DMD: variants seen among roughly 807,000 people sequenced by gnomAD.
DMD encodes the protein mutant dystrophin.
DMD carries 63 observed loss-of-function variants against 330.1 expected under a neutral mutation model. The observed-to-expected ratio is 0.19, with a 90% CI of 0.16 to 0.24. DMD has a LOEUF of 0.24. Ranked by LOEUF, DMD falls within the 10% of genes least tolerant of loss-of-function variation. The pLI is 1.00. For synonymous variants in DMD, 1,223 were observed against 959.8 expected, an observed-to-expected ratio of 1.27 and a Z score of -5.07; for missense variants, 3,344 against 2,684.1, an observed-to-expected ratio of 1.25 and a Z score of -5.43.
chrX:32,462,069 C>G (rs778420682), intron 25 of DMD, among the ~76,000 whole-genome samples: 9 of 110,746 alleles, frequency 8.1e-5, no homozygotes, highest in Non-Finnish European at 1.7e-4. Context: ...GCCTCTAACA[C>G]GTAAATTGAA....
At chrX:32,100,059 T>C (rs2148084716) in intron 44 of DMD, among the ~76,000 whole-genome samples, 1 of 110,853 alleles carries the variant, frequency 9.0e-6, no homozygotes, top group East Asian at 2.9e-4. Context: ...CTGGATTCAA[T>C]GCATTTGCCT....
chrX:32,097,406 C>A (rs1341617319), intron 44 of DMD, among the ~76,000 whole-genome samples: 1 of 111,197 alleles, frequency 9.0e-6, no homozygotes, highest in African/African-American at 3.3e-5. Flanking sequence ...CAGCTTTATC[C>A]ATGTCCCTTC....
intron 52 of DMD, among the ~76,000 whole-genome samples, chrX:31,690,422 C>T (rs1252364301): frequency 8.9e-6 from 1 of 111,831 alleles, no homozygotes; most frequent in Non-Finnish European, 1.9e-5. Context: ...CAATGAGATA[C>T]CATCTCACAC....
Position 31,169,473 on chromosome X carries a change from C to T in DMD, c.10523G>A (p.Arg3508Lys). ...LESEERGELE[R>K]ILADLEEENR... is the part of the protein sequence containing the mutation. ...TTCTTCCTCAAGATCTGCTAGGATT[C>T]TCTCTAGCTCCCCTCTTTCCTCACT... The change falls in exon 74 of 79, where the codon AGA becomes AAA. Residue 3508 changes from arginine (R) to lysine (K), a missense_variant. Physicochemically the swap from Arg to Lys is conservative, Grantham distance 26. Transcript: ENST00000357033. 8.3e-7 allele frequency: 1 copy of T among 1,204,785 alleles called. No homozygotes were observed. The highest frequency in any genetic ancestry group is 1.1e-6 in the Non-Finnish European group (1 of 889,819).
At chrX:31,649,248 T>C (rs777054167) in intron 54 of DMD, among the ~76,000 whole-genome samples, 137 of 111,777 alleles carry the variant, frequency 1.2e-3, no homozygotes, top group African/African-American at 4.4e-3. Flanking sequence ...AACTGATACA[T>C]AGGAGCATTT....
At chrX:31,797,909 T>A (rs2091898969) in intron 50 of DMD, among the ~76,000 whole-genome samples, 1 of 111,846 alleles carries the variant, frequency 8.9e-6, no homozygotes, top group African/African-American at 3.2e-5. Flanking sequence ...AAACAAAGAA[T>A]CTTCAGTGAG....
intron 44 of DMD, among the ~76,000 whole-genome samples, chrX:31,978,881 T>C (rs183032434): frequency 1.8e-5 from 2 of 111,789 alleles, no homozygotes; most frequent in East Asian, 2.8e-4. Context: ...AACATGTTTG[T>C]TAAATGGATA....
rs144141176 is a variant in DMD, at chrX:32,310,807, T to C, written c.5923-531A>G. Among the ~76,000 whole-genome samples, 995 of 110,836 alleles carry C rather than the reference T, an allele frequency of 9.0e-3. 16 individuals carry two copies. Among genetic ancestry groups the C allele is most frequent in the African/African-American group, 0.031 (945 of 30,536 alleles). The stretch of plus-strand genomic sequence containing the variant: ...TATTAAGCCCTCTTCTCCTCCAAAT[T>C]CTAGACATTAGCTCCTGTTTTTGTT... On this transcript the variant is annotated intron_variant, in intron 41 of 78. Transcript: ENST00000357033.
At chrX:32,294,519 T>C (rs2097487521) in intron 42 of DMD, among the ~76,000 whole-genome samples, 1 of 111,997 alleles carries the variant, frequency 8.9e-6, no homozygotes, top group Non-Finnish European at 1.9e-5. Flanking sequence ...ACCAATTCTT[T>C]GGAATGCTGT....
chrX:32,949,381 GATA>G (rs2091073610), intron 2 of DMD, among the ~76,000 whole-genome samples: 2 of 108,187 alleles, frequency 1.8e-5, no homozygotes, highest in African/African-American at 6.8e-5. Flanking sequence ...TAGATAGATA[GATA>G]GATAGATAGA....
rs751825052 is a variant in DMD, at chrX:32,684,026, C to T, written c.960+13844G>A. The stretch of plus-strand genomic sequence containing the variant: ...ACACACACACACATACATACACACA[C>T]ACACACACACACACACACACACACA... On this transcript the variant is annotated intron_variant, in intron 9 of 78. Transcript: ENST00000357033. 6.3e-3 allele frequency among the ~76,000 whole-genome samples: 650 copies of T among 103,820 alleles called. 4 individuals are homozygous for T. Among genetic ancestry groups the T allele is most frequent in the Non-Finnish European group, 6.5e-3 (337 of 51,687 alleles). The allele number at this position is 103,820 out of a possible 115,157, so 90.2% of individuals were successfully genotyped here. A position where few individuals can be genotyped will look rare whatever the true frequency, so the allele number is the denominator to read the frequency against.
intron 7 of DMD, among the ~76,000 whole-genome samples, chrX:32,704,943 G>A (rs951341856): frequency 8.9e-6 from 1 of 112,128 alleles, no homozygotes; most frequent in Non-Finnish European, 1.9e-5. Flanking sequence ...GCTTGCATAC[G>A]AAGAGATTTA....
At chrX:32,240,091 T>C (rs1029079340) in intron 43 of DMD, among the ~76,000 whole-genome samples, 4 of 111,921 alleles carry the variant, frequency 3.6e-5, no homozygotes, top group Non-Finnish European at 7.5e-5. Flanking sequence ...TGATTGTCTC[T>C]TAAAACTGAG....
chrX:31,236,795 A>G (rs1438495138), intron 63 of DMD, among the ~76,000 whole-genome samples: 1 of 112,215 alleles, frequency 8.9e-6, no homozygotes, highest in Non-Finnish European at 1.9e-5. Context: ...CTTCATCTCT[A>G]GTGCAAAATT....
intron 53 of DMD, among the ~76,000 whole-genome samples, chrX:31,672,801 C>T (rs1032632042): frequency 8.1e-5 from 9 of 111,746 alleles, no homozygotes; most frequent in South Asian, 3.7e-4. Flanking sequence ...TTCTAGATCC[C>T]GCAAGAACAT....
chrX:31,235,405 A>G (rs992087858), intron 63 of DMD, among the ~76,000 whole-genome samples: 1 of 112,260 alleles, frequency 8.9e-6, no homozygotes, highest in African/African-American at 3.2e-5. Context: ...GTATACAATA[A>G]AAATAAAATC....
rs1393357015 is a variant in DMD at position 32,412,149 on chromosome X, C to T, written c.4072-236G>A. 7.9e-6 allele frequency: 9 copies of T among 1,138,927 alleles called. No individual in the cohort carries two copies. The Middle Eastern group carries it at 7.6e-4, about 96-fold the overall frequency. 93.9% of individuals were successfully genotyped at this position (1,138,927 alleles called of 1,213,427 possible). The stretch of plus-strand genomic sequence containing the variant: ...GGGATCTCTGCATGAAAATCAATCA[C>T]AATATCACGTACATTAAGGAAATAG... On this transcript the variant is annotated intron_variant, in intron 29 of 78. Coordinates refer to ENST00000357033, the MANE Select transcript of DMD (RefSeq NM_004006.3).
intron 2 of DMD, among the ~76,000 whole-genome samples, chrX:32,957,435 A>G (rs2091656767): frequency 8.9e-6 from 1 of 111,754 alleles, no homozygotes; most frequent in Non-Finnish European, 1.9e-5. Context: ...GAAATATTAT[A>G]ACAGTTAACA....
chrX:31,425,548 C>T (rs2063653347), intron 60 of DMD, among the ~76,000 whole-genome samples: 1 of 111,477 alleles, frequency 9.0e-6, no homozygotes, highest in African/African-American at 3.3e-5. Flanking sequence ...CTGGTCTAAG[C>T]CAATCACAGT....
Sources: allele counts gnomAD v4.1 joint callset (sites outside exome capture counted in the v4.1 genomes callset), GRCh38; gene constraint gnomAD v4.1.1; transcripts MANE v1.5; gene names NCBI Gene and HGNC (gene_info 2026-07-23, HGNC 2026-07-21).